The following NFU1 variants were observed in gnomAD, a reference collection of about 807,000 sequenced individuals.
NFU1 encodes NFU1 iron-sulfur cluster scaffold.
A neutral mutation model predicts 32.2 loss-of-function variants in NFU1; 30 were observed. The observed-to-expected ratio is 0.93, with a 90% confidence interval of 0.70 to 1.26. NFU1 has a LOEUF of 1.26. Ranked by LOEUF, NFU1 falls within the 50% of genes most tolerant of loss-of-function variation. The probability of loss-of-function intolerance (pLI) is 0.00; values close to 1 mark genes in which losing one functional copy is unlikely to be tolerated. For synonymous variants in NFU1, 112 were observed against 104.6 expected (o/e 1.07, Z -0.43); for missense variants, 306 against 306.6 (o/e 1.00, Z 0.02).
chr2:69,427,487 C>G (rs1673500256), intron 2 of NFU1, among the ~76,000 whole-genome samples: 1 of 151,798 alleles, frequency 6.6e-6, no homozygotes, highest in Non-Finnish European at 1.5e-5. Flanking sequence ...TGAAACCAGC[C>G]TAGCCAACAT....
intron 2 of NFU1, among the ~76,000 whole-genome samples, chr2:69,430,841 C>T (rs996605009): frequency 6.6e-6 from 1 of 152,214 alleles, no homozygotes; most frequent in Non-Finnish European, 1.5e-5. Context: ...ATTTAACTCA[C>T]GCCCTTAGCC....
chr2:69,425,108 G>T (rs1673408640), intron 2 of NFU1, among the ~76,000 whole-genome samples: 1 of 151,850 alleles, frequency 6.6e-6, no homozygotes, highest in Non-Finnish European at 1.5e-5. Flanking sequence ...TTGATCTCCT[G>T]ACCTCATGAT....
At chr2:69,414,618 TAAA>T (rs57180785) in intron 5 of NFU1, among the ~76,000 whole-genome samples, 211 of 81,200 alleles carry the variant, frequency 2.6e-3, no homozygotes, top group African/African-American at 7.5e-3. Context: ...AGTCTGTCTC[TAAA>T]AAAAAAAAAA....
intron 6 of NFU1, among the ~76,000 whole-genome samples, chr2:69,403,902 A>C (rs1408152839): frequency 6.6e-6 from 1 of 150,450 alleles, no homozygotes; most frequent in East Asian, 2.0e-4. Context: ...GCAGTGGTGC[A>C]ATCTTGGGTC....
At chr2:69,424,153 A>T (rs1387015771) in intron 2 of NFU1, among the ~76,000 whole-genome samples, 1 of 127,050 alleles carries the variant, frequency 7.9e-6, no homozygotes, top group Non-Finnish European at 1.6e-5. Context: ...GCCTGGTGAC[A>T]AAGTGAGACT....
At chr2:69,436,144 T>A (rs1011022916) in intron 1 of NFU1, among the ~76,000 whole-genome samples, 4 of 152,218 alleles carry the variant, frequency 2.6e-5, no homozygotes, top group Non-Finnish European at 4.4e-5. Flanking sequence ...GGGGAGAAAC[T>A]ATCTTCATTT....
intron 7 of NFU1, chr2:69,399,106 G>A (rs964782798): frequency 9.8e-6 from 2 of 204,868 alleles, no homozygotes; most frequent in Non-Finnish European, 2.0e-5. Context: ...TACTCATGAG[G>A]CTGAGGGATG....
chr2:69,423,936 A>T (rs1172315481), intron 2 of NFU1, among the ~76,000 whole-genome samples: 1 of 151,852 alleles, frequency 6.6e-6, no homozygotes, highest in Non-Finnish European at 1.5e-5. Context: ...GCACTTAGGG[A>T]GGCCGAGGCG....
chr2:69,423,240 GTGAGTGTGTGTGTGTGTGT>G (rs1673317291), intron 3 of NFU1, among the ~76,000 whole-genome samples: 1 of 57,066 alleles, frequency 1.8e-5, no homozygotes, highest in African/African-American at 1.2e-4. Context: ...GGCTCTCTGT[GTGAGTGTGTGTGTGTGTGT>G]GTGTGTGTGT....
At chr2:69,424,185 AAAAAAAAAAAAAAAT>A (rs1259355271) in intron 2 of NFU1, among the ~76,000 whole-genome samples, 2 of 138,872 alleles carry the variant, frequency 1.4e-5, no homozygotes, top group Non-Finnish European at 3.1e-5. Flanking sequence ...AAAAAAAAAA[AAAAAAAAAAAAAAAT>A]ATATATATAT....
intron 7 of NFU1, among the ~76,000 whole-genome samples, chr2:69,397,826 A>C (rs1230150710): frequency 6.6e-6 from 1 of 151,666 alleles, no homozygotes; most frequent in Non-Finnish European, 1.5e-5. Context: ...AGGCAGGAGA[A>C]TCATTTGAAC....
At chr2:69,404,504 G>A (rs1574114232) in intron 6 of NFU1, among the ~76,000 whole-genome samples, 1 of 149,880 alleles carries the variant, frequency 6.7e-6, no homozygotes, top group Non-Finnish European at 1.5e-5. Flanking sequence ...AAAAATATCT[G>A]TATACACCAT....
intron 4 of NFU1, among the ~76,000 whole-genome samples, chr2:69,416,374 A>ATAT (rs57561294): frequency 0.27 from 40,359 of 147,534 alleles, 8,096 homozygotes; most frequent in African/African-American, 0.57. Context: ...ATTAGTAATA[A>ATAT]TATTATTATT....
Position 69,400,540 on chromosome 2 carries a change from T to C in NFU1, c.546-2A>G. The C allele has an allele frequency of 1.9e-6, 3 of 1,613,522 alleles. No homozygotes were observed. Among genetic ancestry groups the C allele is most frequent in the Non-Finnish European group, 2.5e-6 (3 of 1,179,506 alleles). On this transcript the variant is annotated splice_acceptor_variant, in intron 6 of 7. Transcript: ENST00000410022. LOFTEE classifies it high-confidence loss of function. The stretch of plus-strand genomic sequence containing the variant: ...CCTCCATCTTCCTGCACAGTTGGCC[T>C]GTGAGGTCAAAGAATATTTATGACA...
intron 4 of NFU1, among the ~76,000 whole-genome samples, chr2:69,418,598 C>G (rs1234098974): frequency 2.6e-5 from 4 of 152,118 alleles, no homozygotes; most frequent in Admixed American, 2.6e-4. Context: ...TCCTGAGTAG[C>G]TGGGGCTACA....
rs946020356 is a variant in NFU1, at chr2:69,431,790, T to C, written c.166+112A>G. On this transcript the variant is annotated intron_variant, in intron 2 of 7. Coordinates refer to ENST00000410022, the MANE Select transcript of NFU1 (RefSeq NM_001002755.4). ...AGCTTTTTTTCCTATATTCTATCTA[T>C]AGGCTTCTAAATAGAAAATATACAA... 1.5e-5 allele frequency: 11 copies of C among 743,478 alleles called. No individual in the cohort carries two copies. The African/African-American group carries it at 1.8e-4, about 12-fold the overall frequency. 46.1% of individuals were successfully genotyped at this position (743,478 alleles called of 1,614,324 possible).
chr2:69,396,392 T>A, intron 7 of NFU1, 102 bp from the exon 8 acceptor site: 1 of 784,276 alleles, frequency 1.3e-6, no homozygotes, highest in Non-Finnish European at 2.1e-6. Flanking sequence ...CACTCTATAA[T>A]GAGGCATGAC....
intron 1 of NFU1, among the ~76,000 whole-genome samples, chr2:69,437,070 T>C (rs887798940): frequency 6.6e-6 from 1 of 152,216 alleles, no homozygotes; most frequent in Non-Finnish European, 1.5e-5. Flanking sequence ...AGCTCCTCCG[T>C]TCTGGCTCTA....
chr2:69,403,949 C>T (rs1000054777), intron 6 of NFU1, among the ~76,000 whole-genome samples: 2 of 151,368 alleles, frequency 1.3e-5, no homozygotes, highest in Non-Finnish European at 2.9e-5. Context: ...CGCCATTCTC[C>T]TGCCTCAGCC....
Sources: gnomAD v4.1 joint callset for allele counts (sites outside exome capture counted in the v4.1 genomes callset) on GRCh38, gnomAD v4.1.1 for gene constraint, MANE v1.5 for transcripts, NCBI Gene and HGNC (gene_info 2026-07-23, HGNC 2026-07-21) for gene names.